Variants in AHNAK2 observed in about 807,000 individuals in gnomAD.
AHNAK2 encodes the protein AHNAK nucleoprotein 2, also known as protein AHNAK2.
AHNAK2 carries 18 observed loss-of-function variants against 30.7 expected under a neutral mutation model. That is an observed-to-expected ratio of 0.59 (90% confidence interval 0.41 to 0.87). AHNAK2 has a LOEUF of 0.87. Ranked by LOEUF, AHNAK2 falls within the 40% of genes least tolerant of loss-of-function variation. AHNAK2 has a pLI of 0.00. For missense variants in AHNAK2, 8,604 were observed against 7,373.0 expected (o/e 1.17, Z -6.11); for synonymous variants, 3,590 against 3,073.8 (o/e 1.17, Z -5.56).
chr14:104,977,551 C>T (rs1208648075), intron 1 of AHNAK2, among the ~76,000 whole-genome samples: 2 of 152,208 alleles, frequency 1.3e-5, no homozygotes, highest in East Asian at 1.9e-4. Context: ...AGGCCCCAGA[C>T]CTCAGGCCTA....
At position 104,948,096 on chromosome 14, in the gene AHNAK2, T is replaced by C. The variant is rs1177510447; in HGVS notation, c.7355A>G (p.Asp2452Gly). The change falls in exon 7 of 7, where the codon GAT (aspartate) becomes GGT (glycine). Residue 2452 changes from aspartate (D) to glycine (G), a missense_variant. Transcript: ENST00000333244. ...VEVSQPSVEVDVEAPGAKLDG... is the reference protein window; with the variant it reads ...VEVSQPSVEVGVEAPGAKLDG... ...CAGCTTGGCTCCCGGGGCCTCGACA[T>C]CCACCTCCACGCTGGGCTGAGACAC... 3.1e-6 allele frequency: 5 copies of C among 1,612,440 alleles called. No individual in the cohort carries two copies. In the Admixed American group the frequency reaches 6.7e-5, roughly 22 times the overall value.
chr14:104,945,558 T>C lies in AHNAK2; in HGVS notation c.9893A>G (p.Asp3298Gly), dbSNP rs1429333711. The C allele has an allele frequency of 6.2e-7, 1 of 1,610,940 alleles. No homozygotes were observed. The highest frequency in any genetic ancestry group is 8.5e-7 in the Non-Finnish European group (1 of 1,178,640). The change falls in exon 7 of 7, where the codon GAC becomes GGC. Residue 3298 changes from aspartate to glycine, a missense_variant. Coordinates refer to ENST00000333244, the MANE Select transcript of AHNAK2 (RefSeq NM_138420.4). ...ARLEGDLSLA[D>G]KDVTAKDSKF... ...GCTGTCTTTGGCAGTCACATCCTTG[T>C]CGGCCAGGGACAGGTCCCCCTCCAG...
In AHNAK2 at chr14:104,966,605, C is replaced by T. The variant is rs1270202609; in HGVS notation, c.56-8933G>A. Among the ~76,000 whole-genome samples the T allele has an allele frequency of 6.6e-6, 1 of 152,038 alleles. No individual in the cohort carries two copies. Among genetic ancestry groups the T allele is most frequent in the African/African-American group, 2.4e-5 (1 of 41,396 alleles). On this transcript the variant is annotated intron_variant, in intron 1 of 6. Transcript: ENST00000333244. The surrounding 1 kb of genome is among the most constrained non-coding windows in gnomAD (Gnocchi z 4.3). ...ACCGCTCTGCCTCCCAGATGGCTGCCAAACCCTCCACTCCTTGCCCACCTG... is the reference window on the plus strand; with the variant it reads ...ACCGCTCTGCCTCCCAGATGGCTGCTAAACCCTCCACTCCTTGCCCACCTG...
At position 104,940,423 on chromosome 14, in the gene AHNAK2, C is replaced by A; in HGVS notation, c.15028G>T (p.Asp5010Tyr). Residue 5010 changes from aspartate (D) to tyrosine (Y), a missense_variant, in exon 7 of 7, where the codon GAT becomes TAT. Physicochemically the swap from Asp to Tyr is radical, Grantham distance 160. Coordinates refer to ENST00000333244, the MANE Select transcript of AHNAK2 (RefSeq NM_138420.4). The surrounding 1 kb of genome is among the most constrained non-coding windows in gnomAD (Gnocchi z 4.4). ...AIHMDLPPER[D>Y]GEKGRSTKPG... is the part of the protein sequence containing the mutation. ...TTTGTGCTCCTCCCCTTCTCTCCAT[C>A]CCTCTCAGGAGGCAGATCCATGTGG... The A allele has an allele frequency of 6.2e-7, 1 of 1,613,924 alleles. No individual in the cohort carries two copies. Among genetic ancestry groups the A allele is most frequent in the Non-Finnish European group, 8.5e-7 (1 of 1,179,900 alleles).
In AHNAK2 at chr14:104,943,762, G is replaced by C. The variant is rs540013200; in HGVS notation, c.11689C>G (p.Pro3897Ala). ...PKVQMPSFKM[P>A]KVDLKGPEID... ...TCAGGGCCCTTGAGGTCGACTTTGG[G>C]CATCTTGAAACTGGGCATCTGCACC... The change falls in exon 7 of 7, where the codon CCC becomes GCC. Residue 3897 changes from proline (P) to alanine (A), a missense_variant. Pro to Ala is a conservative substitution (Grantham distance 27, BLOSUM62 -1). Transcript: ENST00000333244. 6.8e-6 allele frequency: 11 copies of C among 1,612,802 alleles called. No homozygotes were observed. Among genetic ancestry groups the C allele is most frequent in the African/African-American group, 2.7e-5 (2 of 74,746 alleles).
At position 104,947,157 on chromosome 14, in the gene AHNAK2, G is replaced by C. The variant is rs766967027; in HGVS notation, c.8294C>G (p.Ala2765Gly). The change falls in exon 7 of 7, where the codon GCG (alanine) becomes GGG (glycine). Residue 2765 changes from alanine to glycine, a missense_variant. Coordinates refer to ENST00000333244, the MANE Select transcript of AHNAK2 (RefSeq NM_138420.4). ...CTTCACATCGGGGGCTGTCACTTCC[G>C]CCTTGGGGCCTTTCAGGTCCACGTT... ...GPNVDLKGPK[A>G]EVTAPDVKMS... The C allele has an allele frequency of 1.2e-6, 2 of 1,611,968 alleles. No homozygotes were observed. The highest frequency in any genetic ancestry group is 3.3e-5 in the Admixed American group (2 of 59,834).
rs1898103367 is a variant in AHNAK2 at position 104,943,649 on chromosome 14, C to T, written c.11802G>A (p.Val3934=). ...CTCCTGGGGCCTCGACGTCCACCTC[C>T]ACGCTGGGCAGAGAAACCTCCACAT... ...APDVEVSLPS[V]EVDVEAPGAK... The change falls in exon 7 of 7, where the codon GTG becomes GTA. Residue 3934 remains valine (V), a synonymous_variant. Coordinates refer to ENST00000333244, the MANE Select transcript of AHNAK2 (RefSeq NM_138420.4). 1 of 1,613,394 alleles carries T rather than the reference C, an allele frequency of 6.2e-7. No homozygotes were observed. Among genetic ancestry groups the T allele is most frequent in the African/African-American group, 1.3e-5 (1 of 74,788 alleles).
In AHNAK2 at chr14:104,943,542, A is replaced by G. The variant is rs1177734901; in HGVS notation, c.11909T>C (p.Met3970Thr). Residue 3970 changes from methionine to threonine, a missense_variant, in exon 7 of 7, where the codon ATG (methionine) becomes ACG (threonine). Transcript: ENST00000333244. ...DMTAKDSKFKMPKFKMPSFGV... is the reference protein window; with the variant it reads ...DMTAKDSKFKTPKFKMPSFGV... The stretch of plus-strand genomic sequence containing the variant: ...GAACGACGGCATCTTGAACTTGGGC[A>G]TTTTGAACTTGCTGTCTTTGGCCGT... 1.2e-6 allele frequency: 2 copies of G among 1,612,740 alleles called. No homozygotes were observed. The highest frequency in any genetic ancestry group is 2.2e-5 in the South Asian group (2 of 91,010).
intron 1 of AHNAK2, among the ~76,000 whole-genome samples, chr14:104,961,559 A>C (rs1036036158): frequency 6.6e-5 from 10 of 152,126 alleles, no homozygotes; most frequent in Non-Finnish European, 1.2e-4. Context: ...CATTATACTT[A>C]AAGTAGGACA....
In AHNAK2 at chr14:104,948,274, C is replaced by T; in HGVS notation, c.7177G>A (p.Glu2393Lys). Reference protein sequence around the residue: ...DVKLPEGPVPEGAGLKGHLPK... With the variant: ...DVKLPEGPVPKGAGLKGHLPK... The stretch of plus-strand genomic sequence containing the variant: ...AGGTGCCCTTTGAGGCCGGCTCCCT[C>T]CGGCACGGGGCCCTCTGGGAGTTTC... Residue 2393 changes from glutamate (E) to lysine (K), a missense_variant, in exon 7 of 7, where the codon GAG becomes AAG. Coordinates refer to ENST00000333244, the MANE Select transcript of AHNAK2 (RefSeq NM_138420.4). 1 of 1,612,474 alleles carries T rather than the reference C, an allele frequency of 6.2e-7. No individual in the cohort carries two copies. Among genetic ancestry groups the T allele is most frequent in the South Asian group, 1.1e-5 (1 of 91,024 alleles).
At chr14:104,972,695 C>T (rs572459951) in intron 1 of AHNAK2, among the ~76,000 whole-genome samples, 10 of 152,320 alleles carry the variant, frequency 6.6e-5, no homozygotes, top group East Asian at 3.9e-4. Context: ...CTCCCCAACG[C>T]GGACAGCCAT....
rs754769440 is a variant in AHNAK2, at chr14:104,954,768, G to A, written c.683C>T (p.Thr228Ile). 2 of 1,595,508 alleles carry A rather than the reference G, an allele frequency of 1.3e-6. No homozygotes were observed. Among genetic ancestry groups the A allele is most frequent in the South Asian group, 2.3e-5 (2 of 88,866 alleles). Residue 228 changes from threonine to isoleucine, a missense_variant, in exon 7 of 7, where the codon ACC becomes ATC. Thr to Ile is a moderately conservative substitution (Grantham distance 89). Transcript: ENST00000333244. This position sits in a 1 kb window ranked among gnomAD's most constrained non-coding sequence, Gnocchi z 4.3. ...ATCTCCTTCCAGAGTTTTCGTGGGG[G>A]TCTCTCTGCACCCATCAGCAACATC... ...DTDVADGCRE[T>I]PTKTLEGDGD... is the part of the protein sequence containing the mutation.
Position 104,957,485 on chromosome 14 carries a change from C to A in AHNAK2, c.138G>T (p.Glu46Asp). ...DHSVTEGPAD[E>D]GIRPRPQGSS... The stretch of plus-strand genomic sequence containing the variant: ...ACCCCTGCGGCCGTGGTCGAATGCC[C>A]TCATCCGCAGGCCCTTCAGTCACCT... The change falls in exon 3 of 7, where the codon GAG becomes GAT. Residue 46 changes from glutamate to aspartate, a missense_variant. Transcript: ENST00000333244. 1 of 1,600,778 alleles carries A rather than the reference C, an allele frequency of 6.2e-7. No homozygotes were observed. The highest frequency in any genetic ancestry group is 8.5e-7 in the Non-Finnish European group (1 of 1,171,910).
rs777703276 is a variant in AHNAK2 at position 104,941,626 on chromosome 14, G to C, written c.13825C>G (p.Arg4609Gly). 7 of 1,613,442 alleles carry C rather than the reference G, an allele frequency of 4.3e-6. No individual in the cohort carries two copies. Among genetic ancestry groups the C allele is most frequent in the Middle Eastern group, 3.3e-4 (2 of 6,062 alleles). Residue 4609 changes from arginine (R) to glycine (G), a missense_variant, in exon 7 of 7, where the codon CGG (arginine) becomes GGG (glycine). Coordinates refer to ENST00000333244, the MANE Select transcript of AHNAK2 (RefSeq NM_138420.4). The stretch of plus-strand genomic sequence containing the variant: ...GCCAGGGACAGGTCCCCCTCAAGCC[G>C]CGCACCATCCAGCATGGATCCTGGG... ...QAPGSMLDGA[R>G]LEGDLSLAHE...
At chr14:104,977,760 C>A (rs532061349) in intron 1 of AHNAK2, among the ~76,000 whole-genome samples, 1 of 152,176 alleles carries the variant, frequency 6.6e-6, no homozygotes, top group Non-Finnish European at 1.5e-5. Context: ...CTTTCACGCC[C>A]CTTGCAGACA....
Position 104,944,033 on chromosome 14 carries a change from G to C in AHNAK2, c.11418C>G (p.Pro3806=). 4 of 1,613,040 alleles carry C rather than the reference G, an allele frequency of 2.5e-6. No individual in the cohort carries two copies. The highest frequency in any genetic ancestry group is 3.4e-6 in the Non-Finnish European group (4 of 1,179,578). Residue 3806 remains proline, a synonymous_variant, in exon 7 of 7, where the codon CCC becomes CCG. Coordinates refer to ENST00000333244, the MANE Select transcript of AHNAK2 (RefSeq NM_138420.4). ...CCCCAAATGACGGCATCTTGAACTT[G>C]GGCATTTTGAATTTGCTGTCTTTGG... is the stretch of plus-strand genomic sequence containing the variant. ...VTAKDSKFKM[P]KFKMPSFGVS...
chr14:104,938,711 G>T lies in AHNAK2; in HGVS notation c.16740C>A (p.Ser5580Arg). ...TGEPFEMISS[S>R]VNVLGQQTLT... ...GTGTTTGCTGTCCCAGTACATTGACGCTGGAAGAGATCATCTCAAATGGTT... is the reference window on the plus strand; with the variant it reads ...GTGTTTGCTGTCCCAGTACATTGACTCTGGAAGAGATCATCTCAAATGGTT... The change falls in exon 7 of 7, where the codon AGC (serine) becomes AGA (arginine). Residue 5580 changes from serine (S) to arginine (R), a missense_variant. Ser to Arg is a moderately radical substitution (Grantham distance 110). Transcript: ENST00000333244. The T allele has an allele frequency of 1.2e-6, 2 of 1,613,390 alleles. No homozygotes were observed. Among genetic ancestry groups the T allele is most frequent in the Non-Finnish European group, 1.7e-6 (2 of 1,179,720 alleles).
rs776033682 is a variant in AHNAK2 at position 104,943,642 on chromosome 14, C to T, written c.11809G>A (p.Asp3937Asn). 6.2e-7 allele frequency: 1 copy of T among 1,613,526 alleles called. No homozygotes were observed. Among genetic ancestry groups the T allele is most frequent in the Non-Finnish European group, 8.5e-7 (1 of 1,179,734 alleles). ...AGCTTGGCTCCTGGGGCCTCGACGT[C>T]CACCTCCACGCTGGGCAGAGAAACC... ...VEVSLPSVEV[D>N]VEAPGAKLDG... is the part of the protein sequence containing the mutation. The change falls in exon 7 of 7, where the codon GAC becomes AAC. Residue 3937 changes from aspartate (D) to asparagine (N), a missense_variant. By Grantham distance (23) the Asp-to-Asn change is conservative. Coordinates refer to ENST00000333244, the MANE Select transcript of AHNAK2 (RefSeq NM_138420.4).
chr14:104,954,947 G>C lies in AHNAK2; in HGVS notation c.651+10C>G, dbSNP rs374388144. ...GCTGGGGCCCTGCCCCCCGGGCATA[G>C]TGGTCTCACCTCCTTCTCCTTGCCC... is the stretch of plus-strand genomic sequence containing the variant. On this transcript the variant is annotated intron_variant, in intron 6 of 6. Transcript: ENST00000333244. The surrounding 1 kb of genome is among the most constrained non-coding windows in gnomAD (Gnocchi z 4.3). 2.3e-5 allele frequency: 37 copies of C among 1,605,776 alleles called. No homozygotes were observed. The African/African-American group carries it at 3.8e-4, about 16-fold the overall frequency.
Sources: gnomAD v4.1 joint callset for allele counts (sites outside exome capture counted in the v4.1 genomes callset) on GRCh38, gnomAD v4.1.1 for gene constraint, Gnocchi (gnomAD v3.1) non-coding constraint, MANE v1.5 for transcripts, NCBI Gene and HGNC (gene_info 2026-07-23, HGNC 2026-07-21) for gene names.